Variants in ITIH2 observed in about 807,000 individuals in gnomAD.
ITIH2 encodes inter-alpha-trypsin inhibitor heavy chain H2.
In ITIH2, 103 loss-of-function variants were observed where a neutral mutation model predicts 104.4. The observed-to-expected ratio is 0.99, with a 90% CI of 0.84 to 1.16. The LOEUF is 1.16. Ranked by LOEUF, ITIH2 falls within the 50% of genes most tolerant of loss-of-function variation. The pLI, the probability that ITIH2 is intolerant of heterozygous loss-of-function variation, is 0.00. For synonymous variants in ITIH2, 436 were observed against 435.4 expected (o/e 1.00, Z -0.02); for missense variants, 1,108 against 1,162.4 (o/e 0.95, Z 0.68).
chr10:7,720,399 G>A (rs915975082), intron 6 of ITIH2, among the ~76,000 whole-genome samples: 5 of 152,104 alleles, frequency 3.3e-5, no homozygotes, highest in African/African-American at 1.2e-4. Flanking sequence ...ATCACCAAAG[G>A]GGATTTCCCT....
intron 16 of ITIH2, among the ~76,000 whole-genome samples, chr10:7,740,363 C>T (rs1246547320): frequency 6.6e-6 from 1 of 152,174 alleles, no homozygotes; most frequent in Admixed American, 6.6e-5. Context: ...GGGAGTCCCA[C>T]GAACCATGCA....
chr10:7,713,926 C>T (rs781091520), intron 5 of ITIH2, among the ~76,000 whole-genome samples: 4 of 152,022 alleles, frequency 2.6e-5, no homozygotes, highest in Non-Finnish European at 5.9e-5. Context: ...TGGCCTCAAG[C>T]GATCCTCCCA....
chr10:7,741,825 G>A (rs899774673), intron 16 of ITIH2, among the ~76,000 whole-genome samples: 1 of 152,098 alleles, frequency 6.6e-6, no homozygotes, highest in African/African-American at 2.4e-5. Flanking sequence ...TGGTCGCATT[G>A]AGTTATTTTC....
chr10:7,745,600 T>G (rs768280606), intron 19 of ITIH2, among the ~76,000 whole-genome samples: 1 of 151,776 alleles, frequency 6.6e-6, no homozygotes, highest in African/African-American at 2.4e-5. Context: ...ATAAAAATAA[T>G]TAGCAGGGTA....
chr10:7,711,063 G>A (rs1834792847), intron 4 of ITIH2, among the ~76,000 whole-genome samples: 2 of 152,034 alleles, frequency 1.3e-5, no homozygotes, highest in African/African-American at 4.8e-5. Context: ...TGCGTTAGCT[G>A]TTTGTCCTAA....
chr10:7,722,761 G>C (rs1834916238), intron 8 of ITIH2, among the ~76,000 whole-genome samples: 1 of 152,184 alleles, frequency 6.6e-6, no homozygotes, highest in Non-Finnish European at 1.5e-5. Context: ...CTGGGTGCGC[G>C]TTAGATGCAC....
chr10:7,703,482 A>T lies in ITIH2; in HGVS notation c.48A>T (p.Val16=). The T allele has an allele frequency of 6.2e-7, 1 of 1,613,882 alleles. No individual in the cohort carries two copies. ...TCATCTGCTTCTTTCTTTCTGAAGT[A>T]TCAGGCTTCGAAATCCCCATAAATG... The part of the protein sequence containing the change: ...CFFICFFLSE[V]SGFEIPINGL... Residue 16 remains valine, a synonymous_variant, in exon 1 of 21, where the codon GTA becomes GTT. Coordinates refer to ENST00000358415, the MANE Select transcript of ITIH2 (RefSeq NM_002216.3).
At position 7,720,899 on chromosome 10, in the gene ITIH2, A is replaced by G. The variant is rs749802341; in HGVS notation, c.674A>G (p.His225Arg). The G allele has an allele frequency of 6.2e-7, 1 of 1,613,846 alleles. No homozygotes were observed. Among genetic ancestry groups the G allele is most frequent in the Admixed American group, 1.7e-5 (1 of 60,026 alleles). Reference protein sequence around the residue: ...VIEPQGLRFLHVPDTFEGHFD... With the variant: ...VIEPQGLRFLRVPDTFEGHFD... ...GAACCACAGGGACTGAGATTTCTTC[A>G]TGTTCCCGACACATTTGAAGGCCAT... The change falls in exon 7 of 21, where the codon CAT becomes CGT. Residue 225 changes from histidine (H) to arginine (R), a missense_variant. Coordinates refer to ENST00000358415, the MANE Select transcript of ITIH2 (RefSeq NM_002216.3).
chr10:7,746,701 C>G lies in ITIH2; in HGVS notation c.2690C>G (p.Thr897Ser). 1 of 1,601,906 alleles carries G rather than the reference C, an allele frequency of 6.2e-7. No homozygotes were observed. Among genetic ancestry groups the G allele is most frequent in the South Asian group, 1.1e-5 (1 of 90,706 alleles). ...GTGAAGGGGCAGAAGCTGATCATCA[C>G]CAGGTAGGCCTCGGGCGTAAGGACA... ...MEVKGQKLII[T>S]RGLQKDYRTD... is the part of the protein sequence containing the mutation. The change falls in exon 20 of 21, where the codon ACC becomes AGC. Residue 897 changes from threonine (T) to serine (S), a missense_variant. Transcript: ENST00000358415.
intron 4 of ITIH2, among the ~76,000 whole-genome samples, chr10:7,710,056 G>A (rs927955593): frequency 6.6e-6 from 1 of 152,190 alleles, no homozygotes; most frequent in East Asian, 1.9e-4. Flanking sequence ...GTTTCACCGT[G>A]TTAGCCAGGA....
At chr10:7,745,865 T>C (rs973196528) in intron 19 of ITIH2, among the ~76,000 whole-genome samples, 43 of 151,120 alleles carry the variant, frequency 2.8e-4, no homozygotes, top group African/African-American at 7.8e-4. Flanking sequence ...TGCGATTCTC[T>C]TCCCTCAGCC....
intron 16 of ITIH2, among the ~76,000 whole-genome samples, chr10:7,742,186 A>G (rs1259256655): frequency 2.7e-5 from 4 of 150,318 alleles, no homozygotes; most frequent in Non-Finnish European, 5.9e-5. Flanking sequence ...GATTGCACAT[A>G]GATTTTTTTT....
rs898653560 is a variant in ITIH2 at position 7,749,172 on chromosome 10, C to T, written c.2694-15C>T. The T allele has an allele frequency of 6.2e-7, 1 of 1,613,834 alleles. No homozygotes were observed. The highest frequency in any genetic ancestry group is 1.1e-5 in the South Asian group (1 of 91,034). On this transcript the variant is annotated splice_polypyrimidine_tract_variant and intron_variant, in intron 20 of 20. Coordinates refer to ENST00000358415, the MANE Select transcript of ITIH2 (RefSeq NM_002216.3). ...GCTCAGTCTCCCCCTAACCACATGC[C>T]TTGCTTCCTTGCAGGGGCTTACAGA...
At chr10:7,737,722 T>A (rs1162834827) in intron 15 of ITIH2, among the ~76,000 whole-genome samples, 2 of 43,846 alleles carry the variant, frequency 4.6e-5, no homozygotes, top group African/African-American at 2.6e-4. Flanking sequence ...ATATTCTATA[T>A]AATATTCTAT....
chr10:7,709,225 G>A (rs765843254), intron 4 of ITIH2, 34 bp downstream of exon 4: 2 of 1,589,238 alleles, frequency 1.3e-6, no homozygotes, highest in Non-Finnish European at 1.7e-6. Flanking sequence ...AGAAATTGTA[G>A]GTGCTCTACT....
chr10:7,743,316 C>A, intron 17 of ITIH2, 57 bp downstream of exon 17: 1 of 867,788 alleles, frequency 1.2e-6, no homozygotes, highest in South Asian at 1.6e-5. Flanking sequence ...GCTTTCCTGT[C>A]ACTGCCTGGG....
chr10:7,717,268 A>G (rs181224409), intron 5 of ITIH2, among the ~76,000 whole-genome samples: 1 of 152,138 alleles, frequency 6.6e-6, no homozygotes, highest in African/African-American at 2.4e-5. Flanking sequence ...TAATTTTTTT[A>G]TCATCTGAAA....
At chr10:7,729,929 C>T in intron 11 of ITIH2, 23 bp from the exon 12 acceptor site, 3 of 1,556,600 alleles carry the variant, frequency 1.9e-6, no homozygotes, top group Non-Finnish European at 2.6e-6. Context: ...CATTCCTTTC[C>T]TTTCGGACAT....
Position 7,738,741 on chromosome 10 carries a change from C to T in ITIH2, c.2078C>T (p.Pro693Leu). 1 of 1,611,254 alleles carries T rather than the reference C, an allele frequency of 6.2e-7. No homozygotes were observed. The highest frequency in any genetic ancestry group is 1.1e-5 in the South Asian group (1 of 90,760). ...QGSQVLESTP[P>L]PHVMRVENDP... ...TCTCAGGTGCTAGAGTCCACGCCAC[C>T]CCCACATGTGATGAGAGGTAACGCT... The change falls in exon 16 of 21, where the codon CCC becomes CTC. Residue 693 changes from proline (P) to leucine (L), a missense_variant. By Grantham distance (98) the Pro-to-Leu change is moderately conservative (BLOSUM62 -3). Coordinates refer to ENST00000358415, the MANE Select transcript of ITIH2 (RefSeq NM_002216.3).
Sources: gnomAD v4.1 joint callset for allele counts (sites outside exome capture counted in the v4.1 genomes callset) on GRCh38, gnomAD v4.1.1 for gene constraint, MANE v1.5 for transcripts, NCBI Gene and HGNC (gene_info 2026-07-23, HGNC 2026-07-21) for gene names.